The following BICDL1 variants were observed in gnomAD, a reference collection of about 807,000 sequenced individuals.
BICDL1 encodes BICD family like cargo adaptor 1.
In BICDL1, 20 loss-of-function variants were observed where a neutral mutation model predicts 76.8. The ratio of observed to expected loss-of-function variants is 0.26; its 90% confidence interval spans 0.18 to 0.38. The LOEUF is 0.38. BICDL1 is among the 10% of genes least tolerant of loss of function. BICDL1 has a pLI of 1.00. For missense variants in BICDL1, 700 were observed against 798.6 expected (o/e 0.88, Z 1.49); for synonymous variants, 383 against 337.1 (o/e 1.14, Z -1.49).
At chr12:120,014,572 A>T (rs1952021850) in intron 2 of BICDL1, among the ~76,000 whole-genome samples, 1 of 151,962 alleles carries the variant, frequency 6.6e-6, no homozygotes, top group Non-Finnish European at 1.5e-5. Flanking sequence ...CGTGCCTTTC[A>T]TCCCAGCTAC....
chr12:120,051,971 C>T (rs890295559), intron 2 of BICDL1, among the ~76,000 whole-genome samples: 5 of 151,950 alleles, frequency 3.3e-5, no homozygotes, highest in Middle Eastern at 3.2e-3. Flanking sequence ...GACAGAGTCT[C>T]GCTGTGTTTC....
At chr12:120,063,787 A>G (rs1462941179) in intron 3 of BICDL1, among the ~76,000 whole-genome samples, 2 of 151,856 alleles carry the variant, frequency 1.3e-5, no homozygotes, top group African/African-American at 2.4e-5. Flanking sequence ...TAGGAGTCAG[A>G]TCCAATTGGC....
rs532308113 is a variant in BICDL1, at chr12:120,004,387, T to C, written c.645+5651T>C. On this transcript the variant is annotated intron_variant, in intron 2 of 9. Coordinates refer to ENST00000548673, the MANE Select transcript of BICDL1 (RefSeq NM_001367886.1). ...GAGAGAAGCTGTTTTGGGAGCATTG[T>C]ATAAAAAGGGCTGCTTCAAAGGCTG... 1.4e-4 allele frequency among the ~76,000 whole-genome samples: 21 copies of C among 152,172 alleles called. No homozygotes were observed. The South Asian group carries it at 4.2e-3, about 30-fold the overall frequency.
chr12:120,091,631 G>A (rs1438520635), intron 9 of BICDL1: 1 of 985,128 alleles, frequency 1.0e-6, no homozygotes, highest in African/African-American at 1.7e-5. Context: ...GGAATGAGCT[G>A]AGTCTGAAAG....
chr12:120,067,615 C>A (rs547623679), intron 4 of BICDL1, among the ~76,000 whole-genome samples: 3 of 152,276 alleles, frequency 2.0e-5, no homozygotes, highest in South Asian at 2.1e-4. Context: ...CTGGAGAGTG[C>A]AGACCTCTCC....
In BICDL1 at chr12:120,093,814, G is replaced by A. The variant is rs376993458; in HGVS notation, c.*653G>A. 1.6e-4 allele frequency: 29 copies of A among 183,058 alleles called. No homozygotes were observed. Among genetic ancestry groups the A allele is most frequent in the African/African-American group, 5.9e-4 (25 of 42,160 alleles). The allele number at this position is 183,058 out of a possible 1,614,324, so 11.3% of individuals were successfully genotyped here. A position where few individuals can be genotyped will look rare whatever the true frequency, so the allele number is the denominator to read the frequency against. On this transcript the variant is annotated 3_prime_UTR_variant, in exon 10 of 10. Coordinates refer to ENST00000548673, the MANE Select transcript of BICDL1 (RefSeq NM_001367886.1). The stretch of plus-strand genomic sequence containing the variant: ...AGGAAGAAGGCCCTGTCCCCCTGTC[G>A]CCACTGCTCTCCCTCCCAGCCTTCA...
chr12:119,994,028 A>C (rs1258375841), intron 1 of BICDL1, among the ~76,000 whole-genome samples: 1 of 152,250 alleles, frequency 6.6e-6, no homozygotes, highest in Non-Finnish European at 1.5e-5. Flanking sequence ...CCAGAATATG[A>C]AGTAAGACAG....
At chr12:119,990,349 C>T in intron 1 of BICDL1, 52 bp downstream of exon 1, 2 of 1,538,306 alleles carry the variant, frequency 1.3e-6, no homozygotes, top group South Asian at 2.4e-5. Context: ...CCCAGGCACG[C>T]GCCCGGCCCT....
intron 2 of BICDL1, among the ~76,000 whole-genome samples, chr12:120,045,479 T>C (rs535996631): frequency 6.6e-6 from 1 of 152,190 alleles, no homozygotes; most frequent in Non-Finnish European, 1.5e-5. Context: ...CGTATGTTTA[T>C]TGTGGCATTA....
At chr12:120,092,812 C>A (rs1306659321) in intron 9 of BICDL1, 188 bp from the exon 10 acceptor site, 2 of 985,422 alleles carry the variant, frequency 2.0e-6, no homozygotes, top group Middle Eastern at 5.2e-4. Context: ...AGGTGCCATA[C>A]GGCTCCTGCG....
chr12:119,994,651 G>A (rs374672997), intron 1 of BICDL1, among the ~76,000 whole-genome samples: 2 of 151,990 alleles, frequency 1.3e-5, no homozygotes, highest in East Asian at 1.9e-4. Context: ...CACCATGCCC[G>A]GCTAATTTTT....
chr12:120,071,581 T>C lies in BICDL1; in HGVS notation c.910-41T>C. ...TTGAGGGTCAGTTTGTCTTGGTTTT[T>C]GTGTTTGGTAAACCTCAACCATTTG... On this transcript the variant is annotated intron_variant, in intron 4 of 9. Transcript: ENST00000548673. This position sits in a 1 kb window ranked among gnomAD's most constrained non-coding sequence, Gnocchi z 4.8. 6.4e-7 allele frequency: 1 copy of C among 1,553,698 alleles called. No homozygotes were observed. Among genetic ancestry groups the C allele is most frequent in the Non-Finnish European group, 8.7e-7 (1 of 1,149,764 alleles).
Position 120,024,968 on chromosome 12 carries a change from G to A in BICDL1, c.645+26232G>A, listed in dbSNP as rs76669128. Reference sequence around the variant, plus strand: ...ACTGGGATCACAGGCACGAGCCACCGCACCCAGCCAAGTCCTTCTTCTTTA... The same window carrying A: ...ACTGGGATCACAGGCACGAGCCACCACACCCAGCCAAGTCCTTCTTCTTTA... On this transcript the variant is annotated intron_variant, in intron 2 of 9. Coordinates refer to ENST00000548673, the MANE Select transcript of BICDL1 (RefSeq NM_001367886.1). 8.9e-3 allele frequency among the ~76,000 whole-genome samples: 1,355 copies of A among 151,728 alleles called. 16 individuals carry two copies. Among genetic ancestry groups the A allele is most frequent in the African/African-American group, 0.03 (1,240 of 41,344 alleles).
At chr12:120,023,238 C>T (rs1162525882) in intron 2 of BICDL1, among the ~76,000 whole-genome samples, 1 of 152,162 alleles carries the variant, frequency 6.6e-6, no homozygotes, top group Non-Finnish European at 1.5e-5. Context: ...AAAAAGATCT[C>T]AATGTTTTAA....
At chr12:120,056,929 G>C (rs954854002) in intron 2 of BICDL1, 5 of 363,834 alleles carry the variant, frequency 1.4e-5, no homozygotes, top group African/African-American at 1.1e-4. Flanking sequence ...CTTGATGCAG[G>C]TTAGGGCTCT....
intron 2 of BICDL1, among the ~76,000 whole-genome samples, chr12:120,048,071 A>G (rs1952782722): frequency 6.6e-6 from 1 of 152,124 alleles, no homozygotes; most frequent in Admixed American, 6.5e-5. Context: ...TGATTATTAT[A>G]TCACTCTCCC....
intron 2 of BICDL1, among the ~76,000 whole-genome samples, chr12:120,017,577 T>A (rs574321095): frequency 1.2e-4 from 18 of 152,048 alleles, no homozygotes; most frequent in Non-Finnish European, 2.6e-4. Flanking sequence ...AAAATTTTTT[T>A]AAAAATAAGC....
chr12:120,064,828 A>G lies in BICDL1; in HGVS notation c.858A>G (p.Leu286=). ...NDLLQGTVEE[L]QDRVLILERQ... is the part of the protein sequence containing the mutation. ...TGCTCCAAGGGACCGTGGAGGAGCT[A>G]CAGGACCGGGTGCTAATCCTGGAGA... Residue 286 remains leucine (L), a synonymous_variant, in exon 4 of 10, where the codon CTA becomes CTG. Coordinates refer to ENST00000548673, the MANE Select transcript of BICDL1 (RefSeq NM_001367886.1). The G allele has an allele frequency of 6.2e-7, 1 of 1,613,634 alleles. No individual in the cohort carries two copies. Among genetic ancestry groups the G allele is most frequent in the East Asian group, 2.2e-5 (1 of 44,796 alleles).
intron 2 of BICDL1, among the ~76,000 whole-genome samples, chr12:120,035,831 A>G (rs1701463682): frequency 6.6e-6 from 1 of 152,240 alleles, no homozygotes; most frequent in Non-Finnish European, 1.5e-5. Context: ...AAGAGGAACC[A>G]CTAACCTGAC....
Sources: allele counts gnomAD v4.1 joint callset (sites outside exome capture counted in the v4.1 genomes callset), GRCh38; gene constraint gnomAD v4.1.1; non-coding constraint Gnocchi (gnomAD v3.1); transcripts MANE v1.5; gene names NCBI Gene and HGNC (gene_info 2026-07-23, HGNC 2026-07-21).